The following KIAA1549 variants were observed in gnomAD, a reference collection of about 807,000 sequenced individuals.
KIAA1549 encodes UPF0606 protein KIAA1549.
A neutral mutation model predicts 156.4 loss-of-function variants in KIAA1549; 70 were observed. That is an observed-to-expected ratio of 0.45 (90% CI 0.37 to 0.55). KIAA1549 has a LOEUF of 0.55. Ranked by LOEUF, KIAA1549 falls within the 20% of genes least tolerant of loss-of-function variation. KIAA1549 has a pLI of 0.00. For synonymous variants in KIAA1549, 1,103 were observed against 1,066.4 expected, an observed-to-expected ratio of 1.03 and a Z score of -0.67; for missense variants, 2,428 against 2,540.9, an observed-to-expected ratio of 0.96 and a Z score of 0.96.
At position 138,837,966 on chromosome 7, in the gene KIAA1549, G is replaced by A; in HGVS notation, c.5793C>T (p.Ile1931=). Residue 1931 remains isoleucine, a synonymous_variant, in exon 20 of 20, where the codon ATC becomes ATT. Transcript: ENST00000422774. ...GGGAGAGCCGGAGGAGCTCCTCGCGGATTGCTTTGATGAGAGAGGCCGAGG... is the reference window on the plus strand; with the variant it reads ...GGGAGAGCCGGAGGAGCTCCTCGCGAATTGCTTTGATGAGAGAGGCCGAGG... ...GHSSASLIKA[I]REELLRLSQK... The A allele has an allele frequency of 1.9e-6, 3 of 1,613,824 alleles. No homozygotes were observed. The highest frequency in any genetic ancestry group is 2.5e-6 in the Non-Finnish European group (3 of 1,179,858).
At chr7:138,900,949 T>A (rs1326778053) in intron 8 of KIAA1549, among the ~76,000 whole-genome samples, 1 of 152,208 alleles carries the variant, frequency 6.6e-6, no homozygotes, top group South Asian at 2.1e-4. Context: ...TACGGCAACA[T>A]CAATGGACTA....
chr7:138,875,375 T>G (rs550736171), intron 12 of KIAA1549, among the ~76,000 whole-genome samples: 270 of 152,286 alleles, frequency 1.8e-3, no homozygotes, highest in African/African-American at 6.2e-3. Context: ...CTGGGCATAG[T>G]GGCTCATGCC....
chr7:138,918,423 A>G lies in KIAA1549; in HGVS notation c.1203T>C (p.Gly401=), dbSNP rs780370311. The G allele has an allele frequency of 1.5e-5, 25 of 1,613,804 alleles. No homozygotes were observed. The highest frequency in any genetic ancestry group is 5.9e-6 in the Non-Finnish European group (7 of 1,179,898). Residue 401 remains glycine (G), a synonymous_variant, in exon 2 of 20, where the codon GGT becomes GGC. Transcript: ENST00000422774. This position sits in a 1 kb window ranked among gnomAD's most constrained non-coding sequence, Gnocchi z 4.2. ...SELHSNSALP[G]PVDNTHILSP... is the part of the protein sequence containing the mutation. ...TCAGGATATGAGTGTTGTCCACAGG[A>G]CCGGGGAGGGCTGAATTGCTATGCA...
chr7:138,975,265 G>C (rs1196197198), intron 1 of KIAA1549, among the ~76,000 whole-genome samples: 2 of 152,182 alleles, frequency 1.3e-5, no homozygotes, highest in Non-Finnish European at 2.9e-5. Flanking sequence ...ATAAGAGAAA[G>C]CAAAGTATGG....
rs1027035047 is a variant in KIAA1549 at position 138,865,734 on chromosome 7, C to T, written c.4929+2241G>A. The stretch of plus-strand genomic sequence containing the variant: ...AAAGGAAGAAAACGATGCTGCAAAG[C>T]TACCGCAAAAGAAGGCTGATCTAGA... On this transcript the variant is annotated intron_variant, in intron 15 of 19. Transcript: ENST00000422774. Among the ~76,000 whole-genome samples, 15 of 152,302 alleles carry T rather than the reference C, an allele frequency of 9.8e-5. 1 individual carries two copies. In the South Asian group the frequency reaches 1.7e-3, roughly 17 times the overall value.
rs1307096207 is a variant in KIAA1549, at chr7:138,832,800, A to T, written c.*5106T>A. ...ACCATGATGTTGCGATTTCCAAGTC[A>T]TCTTCATAGTGGAGAAAGTAGTCCT... On this transcript the variant is annotated 3_prime_UTR_variant, in exon 20 of 20. Coordinates refer to ENST00000422774, the MANE Select transcript of KIAA1549 (RefSeq NM_001164665.2). 8.9e-6 allele frequency: 2 copies of T among 224,232 alleles called. No homozygotes were observed. The highest frequency in any genetic ancestry group is 1.8e-5 in the Non-Finnish European group (2 of 112,606). 13.9% of individuals were successfully genotyped at this position (224,232 alleles called of 1,614,324 possible).
At position 138,839,937 on chromosome 7, in the gene KIAA1549, G is replaced by A. The variant is rs144086184; in HGVS notation, c.5598+196C>T. Among the ~76,000 whole-genome samples, 815 of 151,600 alleles carry A rather than the reference G, an allele frequency of 5.4e-3. 7 individuals carry two copies. The highest frequency in any genetic ancestry group is 0.019 in the African/African-American group (772 of 41,366). On this transcript the variant is annotated intron_variant, in intron 19 of 19. Transcript: ENST00000422774. ...CAAGTAGCTGGGACTACCAGCACCC[G>A]TCACCACGCCTGGCTAATTTTTTTT...
intron 8 of KIAA1549, among the ~76,000 whole-genome samples, chr7:138,901,678 A>C (rs1469728787): frequency 1.3e-5 from 2 of 152,164 alleles, no homozygotes; most frequent in African/African-American, 4.8e-5. Context: ...TGACTGCATA[A>C]AATTCCAACA....
rs1463008778 is a variant in KIAA1549, at chr7:138,906,986, C to T, written c.3393G>A (p.Leu1131=). 3 of 1,613,368 alleles carry T rather than the reference C, an allele frequency of 1.9e-6. No homozygotes were observed. The highest frequency in any genetic ancestry group is 1.7e-6 in the Non-Finnish European group (2 of 1,179,630). ...GFLNGSEVSE[L]LRNLSVVEFS... ...ACTCCACCACACTCAAGTTTCTGAG[C>T]AGCTCGCTCACTTCCGACCCATTCA... Residue 1131 remains leucine (L), a synonymous_variant, in exon 6 of 20, where the codon CTG becomes CTA. Transcript: ENST00000422774.
intron 11 of KIAA1549, among the ~76,000 whole-genome samples, chr7:138,880,820 G>A (rs950471104): frequency 4.6e-5 from 7 of 152,308 alleles, no homozygotes; most frequent in African/African-American, 1.7e-4. Flanking sequence ...GGGGAATGGG[G>A]AGCGAGGCAG....
At chr7:138,839,262 T>A (rs940856988) in intron 19 of KIAA1549, among the ~76,000 whole-genome samples, 2 of 152,096 alleles carry the variant, frequency 1.3e-5, no homozygotes, top group Non-Finnish European at 2.9e-5. Context: ...AGCATAACGA[T>A]AAGGAGAAAA....
intron 1 of KIAA1549, among the ~76,000 whole-genome samples, chr7:138,932,882 A>G (rs1388629955): frequency 6.6e-6 from 1 of 152,224 alleles, no homozygotes; most frequent in Non-Finnish European, 1.5e-5. Context: ...GGAAATTCAC[A>G]TGGTGATATC....
intron 9 of KIAA1549, among the ~76,000 whole-genome samples, chr7:138,897,124 C>T (rs971315170): frequency 1.3e-5 from 2 of 152,176 alleles, no homozygotes; most frequent in African/African-American, 4.8e-5. Flanking sequence ...TATTCTATTG[C>T]AATTAGCTGT....
chr7:138,848,035 T>C (rs1353972098), intron 17 of KIAA1549, among the ~76,000 whole-genome samples: 1 of 152,260 alleles, frequency 6.6e-6, no homozygotes, highest in Non-Finnish European at 1.5e-5. Context: ...TTTTACATCG[T>C]TATTTTGAAA....
rs59985563 is a variant in KIAA1549, at chr7:138,918,536, T to C, written c.1090A>G (p.Thr364Ala). ...GCAGAGGACGCAAATGCAAGAGGAG[T>C]TGAAAGCAATGGAGAATGTGTCCTG... ...FSRTHSPLLS[T>A]PLAFASSASP... The change falls in exon 2 of 20, where the codon ACT becomes GCT. Residue 364 changes from threonine to alanine, a missense_variant. Physicochemically the swap from Thr to Ala is moderately conservative, Grantham distance 58. This residue lies in a region of KIAA1549 where 893 missense variants were observed against 847.9 expected (regional missense o/e 1.05). Transcript: ENST00000422774. This position sits in a 1 kb window ranked among gnomAD's most constrained non-coding sequence, Gnocchi z 4.2. 328,095 of 1,613,426 alleles carry C rather than the reference T, an allele frequency of 0.2. 38,274 individuals carry two copies. The highest frequency in any genetic ancestry group is 0.51 in the African/African-American group (38,194 of 74,886).
chr7:138,952,836 C>T (rs1183479075), intron 1 of KIAA1549, among the ~76,000 whole-genome samples: 9 of 152,128 alleles, frequency 5.9e-5, no homozygotes, highest in African/African-American at 1.9e-4. Context: ...TGAGTGGAAA[C>T]CCTTGGTAAA....
chr7:138,867,635 T>TTC (rs200249371), intron 15 of KIAA1549, among the ~76,000 whole-genome samples: 2 of 151,638 alleles, frequency 1.3e-5, no homozygotes, highest in African/African-American at 2.4e-5. Context: ...TTGAGGATAT[T>TTC]TCTCTCTCTC....
Position 138,917,115 on chromosome 7 carries a change from C to T in KIAA1549, c.2511G>A (p.Val837=), listed in dbSNP as rs758341003. 1.2e-6 allele frequency: 2 copies of T among 1,612,112 alleles called. No homozygotes were observed. Among genetic ancestry groups the T allele is most frequent in the African/African-American group, 1.3e-5 (1 of 74,912 alleles). ...SFSKAIPTGT[V]LITDAYLPSG... is the part of the protein sequence containing the mutation. ...ATGGCAGGTACGCGTCAGTGATCAACACCGTACCAGTGGGAATGGCTTTGG... is the reference window on the plus strand; with the variant it reads ...ATGGCAGGTACGCGTCAGTGATCAATACCGTACCAGTGGGAATGGCTTTGG... Residue 837 remains valine (V), a synonymous_variant, in exon 2 of 20, where the codon GTG becomes GTA. Transcript: ENST00000422774.
At position 138,917,683 on chromosome 7, in the gene KIAA1549, A is replaced by G. The variant is rs1276866209; in HGVS notation, c.1943T>C (p.Leu648Pro). The G allele has an allele frequency of 6.2e-7, 1 of 1,610,500 alleles. No homozygotes were observed. Among genetic ancestry groups the G allele is most frequent in the East Asian group, 2.2e-5 (1 of 44,808 alleles). The change falls in exon 2 of 20, where the codon CTG (leucine) becomes CCG (proline). Residue 648 changes from leucine (L) to proline (P), a missense_variant. By Grantham distance (98) the Leu-to-Pro change is moderately conservative. Transcript: ENST00000422774. The part of the protein sequence containing the change: ...ISSPSEAPAS[L>P]SLMPSDLSPF... ...GGACAAGTCACTCGGCATCAGAGACAGAGACGCAGGTGCTTCCGAAGGCGA... is the reference window on the plus strand; with the variant it reads ...GGACAAGTCACTCGGCATCAGAGACGGAGACGCAGGTGCTTCCGAAGGCGA...
Sources: gnomAD v4.1 joint callset for allele counts (sites outside exome capture counted in the v4.1 genomes callset) on GRCh38, gnomAD v4.1.1 for gene constraint, gnomAD v4.1.1 regional missense constraint, Gnocchi (gnomAD v3.1) non-coding constraint, MANE v1.5 for transcripts, NCBI Gene and HGNC (gene_info 2026-07-23, HGNC 2026-07-21) for gene names.